ZNF892: variants seen among roughly 807,000 people sequenced by gnomAD.
ZNF892 encodes the protein zinc finger protein 570-like.
the ZNF892 span, among the ~76,000 whole-genome samples, chr2:95,241,386 C>T: frequency 3.3e-5 from 5 of 152,128 alleles, no homozygotes; most frequent in South Asian, 2.1e-4. Flanking sequence ...CCCAGCAAAC[C>T]GCAGCAGCCC....
At chr2:95,231,742 G>A in the ZNF892 span, among the ~76,000 whole-genome samples, 2 of 152,106 alleles carry the variant, frequency 1.3e-5, no homozygotes, top group African/African-American at 4.8e-5. Context: ...TCATCCAGGG[G>A]CTCAGCTTTG....
chr2:95,248,255 G>T, the ZNF892 span, among the ~76,000 whole-genome samples: 6,365 of 152,210 alleles, frequency 0.042, 431 homozygotes, highest in African/African-American at 0.14. Context: ...AATACCACAT[G>T]TTCTCACTTA....
At chr2:95,263,362 G>C in the ZNF892 span, among the ~76,000 whole-genome samples, 1 of 152,172 alleles carries the variant, frequency 6.6e-6, no homozygotes, top group African/African-American at 2.4e-5. Context: ...TCAGAGCAGA[G>C]GAACCAGCCG....
the ZNF892 span, chr2:95,259,591 GCAT>G: frequency 2.6e-5 from 4 of 152,222 alleles, no homozygotes; most frequent in Admixed American, 6.5e-5. Context: ...ATCTTCCCCA[GCAT>G]CTGGGAGAGG....
chr2:95,244,284 T>C, the ZNF892 span, among the ~76,000 whole-genome samples: 37 of 149,168 alleles, frequency 2.5e-4, no homozygotes, highest in Non-Finnish European at 5.2e-4. Context: ...CCTCCACTAT[T>C]GTCCTGTGAC....
the ZNF892 span, among the ~76,000 whole-genome samples, chr2:95,218,175 T>TA: frequency 1.3e-5 from 2 of 152,356 alleles, no homozygotes; most frequent in Non-Finnish European, 2.9e-5. Context: ...GCCACACTCT[T>TA]AGTGTTTTCT....
chr2:95,225,733 A>G, the ZNF892 span, among the ~76,000 whole-genome samples: 1 of 152,222 alleles, frequency 6.6e-6, no homozygotes, highest in Non-Finnish European at 1.5e-5. Context: ...TTCAGATTCC[A>G]AAGCCCAGAG....
chr2:95,217,362 C>G, the ZNF892 span, among the ~76,000 whole-genome samples: 1 of 152,160 alleles, frequency 6.6e-6, no homozygotes. Context: ...CCCCAGCCCC[C>G]CACCGAATTT....
At chr2:95,214,257 T>C in the ZNF892 span, 96,847 of 397,182 alleles carry the variant, frequency 0.24, 12,135 homozygotes, top group East Asian at 0.32. Flanking sequence ...ACAAACATGT[T>C]TCATTAATTT....
the ZNF892 span, among the ~76,000 whole-genome samples, chr2:95,258,306 T>A: frequency 6.6e-6 from 1 of 152,212 alleles, no homozygotes; most frequent in African/African-American, 2.4e-5. Context: ...TTATCCCTAA[T>A]GCAGTCAGTC....
the ZNF892 span, among the ~76,000 whole-genome samples, chr2:95,229,712 T>G: frequency 6.6e-6 from 1 of 152,204 alleles, no homozygotes; most frequent in Non-Finnish European, 1.5e-5. Context: ...TGATAGATAA[T>G]TGAATTGTTT....
chr2:95,262,405 G>A, the ZNF892 span, among the ~76,000 whole-genome samples: 3 of 152,278 alleles, frequency 2.0e-5, no homozygotes, highest in African/African-American at 4.8e-5. Context: ...GTGCCCGGCC[G>A]AAAGTTCATG....
the ZNF892 span, among the ~76,000 whole-genome samples, chr2:95,222,898 C>A: frequency 6.6e-6 from 1 of 152,240 alleles, no homozygotes; most frequent in Non-Finnish European, 1.5e-5. Flanking sequence ...CACTTACATC[C>A]ATTTTAGGTA....
At chr2:95,211,405 A>G in the ZNF892 span, among the ~76,000 whole-genome samples, 1 of 152,238 alleles carries the variant, frequency 6.6e-6, no homozygotes, top group East Asian at 1.9e-4. Flanking sequence ...ACTTGCAGGT[A>G]ATATGCATTT....
chr2:95,260,721 C>A, the ZNF892 span, among the ~76,000 whole-genome samples: 1 of 152,214 alleles, frequency 6.6e-6, no homozygotes, highest in African/African-American at 2.4e-5. Flanking sequence ...TGGGCCCAGG[C>A]AAACTGCTGC....
the ZNF892 span, among the ~76,000 whole-genome samples, chr2:95,249,786 A>G: frequency 6.6e-6 from 1 of 152,178 alleles, no homozygotes; most frequent in African/African-American, 2.4e-5. Context: ...GCAGGAAGCC[A>G]AAAACTAGAG....
At chr2:95,228,033 C>T in the ZNF892 span, among the ~76,000 whole-genome samples, 20 of 152,208 alleles carry the variant, frequency 1.3e-4, no homozygotes, top group African/African-American at 4.6e-4. Flanking sequence ...GTACAGCTCC[C>T]TGTCCAATTT....
the ZNF892 span, chr2:95,214,187 C>T: frequency 1.4e-4 from 56 of 394,326 alleles, no homozygotes; most frequent in African/African-American, 1.0e-3. Context: ...GATTGCAAGA[C>T]TATTTTTGAG....
chr2:95,233,396 G>A, the ZNF892 span, among the ~76,000 whole-genome samples: 1 of 151,384 alleles, frequency 6.6e-6, no homozygotes, highest in Non-Finnish European at 1.5e-5. Flanking sequence ...CATCTCGGCC[G>A]GGCGCGGTGG....
Sources: allele counts gnomAD v4.1 joint callset (sites outside exome capture counted in the v4.1 genomes callset), GRCh38; gene constraint gnomAD v4.1.1; transcripts MANE v1.5; gene names NCBI Gene and HGNC (gene_info 2026-07-23, HGNC 2026-07-21).